The following ST3GAL2 variants were observed in gnomAD, a reference collection of about 807,000 sequenced individuals.
The protein encoded by ST3GAL2 is CMP-N-acetylneuraminate-beta-galactosamide-alpha-2,3-sialyltransferase 2.
A neutral mutation model predicts 37.5 loss-of-function variants in ST3GAL2; 16 were observed. That is an observed-to-expected ratio of 0.43 (90% CI 0.29 to 0.65). ST3GAL2 has a LOEUF of 0.65. ST3GAL2 is among the 30% of genes least tolerant of loss of function. ST3GAL2 has a pLI of 0.17. For missense variants in ST3GAL2, 383 were observed against 487.8 expected (o/e 0.79, Z 2.02); for synonymous variants, 238 against 202.9 (o/e 1.17, Z -1.47).
chr16:70,389,451 A>G lies in ST3GAL2; in HGVS notation c.534-905T>C, dbSNP rs2151659232. Among the ~76,000 whole-genome samples the G allele has an allele frequency of 2.6e-5, 4 of 151,626 alleles. No individual in the cohort carries two copies. In the South Asian group the frequency reaches 8.3e-4, roughly 32 times the overall value. On this transcript the variant is annotated intron_variant, in intron 3 of 6. Coordinates refer to ENST00000342907, the MANE Select transcript of ST3GAL2 (RefSeq NM_006927.4). ...CAGCTTCCTCAGTAGACGGGACTAC[A>G]ACATGTGCCAGCATTCCCAGCTAAG...
chr16:70,424,971 T>G (rs774778727), intron 1 of ST3GAL2, among the ~76,000 whole-genome samples: 1 of 152,176 alleles, frequency 6.6e-6, no homozygotes, highest in Non-Finnish European at 1.5e-5. Flanking sequence ...GGTGCCCTTA[T>G]TGGCCAAGCC....
At chr16:70,401,644 T>TC (rs1318097286) in intron 1 of ST3GAL2, among the ~76,000 whole-genome samples, 8 of 152,124 alleles carry the variant, frequency 5.3e-5, no homozygotes, top group Admixed American at 4.6e-4. Flanking sequence ...ATGGGCTTGC[T>TC]CCCCTTCACA....
chr16:70,393,171 C>T (rs528869259), intron 3 of ST3GAL2, among the ~76,000 whole-genome samples: 37 of 151,954 alleles, frequency 2.4e-4, no homozygotes, highest in African/African-American at 7.0e-4. Context: ...CTGCAACCTC[C>T]GCCTCCTGGG....
At position 70,438,992 on chromosome 16, in the gene ST3GAL2, G is replaced by C. The variant is rs1368820479; in HGVS notation, c.-1047C>G. 2.1e-5 allele frequency: 3 copies of C among 142,786 alleles called. No individual in the cohort carries two copies. Among genetic ancestry groups the C allele is most frequent in the African/African-American group, 8.2e-5 (3 of 36,440 alleles). 8.8% of individuals were successfully genotyped at this position (142,786 alleles called of 1,614,324 possible). ...CCGCGCGGGCCATGCTCGCCGCTCC[G>C]GCCGCCGCCGCCGCCCGCGCAGAAA... is the stretch of plus-strand genomic sequence containing the variant. On this transcript the variant is annotated 5_prime_UTR_variant, in exon 1 of 7. Coordinates refer to ENST00000342907, the MANE Select transcript of ST3GAL2 (RefSeq NM_006927.4).
chr16:70,426,236 C>T (rs1473719175), intron 1 of ST3GAL2, among the ~76,000 whole-genome samples: 2 of 149,104 alleles, frequency 1.3e-5, no homozygotes, highest in African/African-American at 4.9e-5. Context: ...CTCTGTCGCC[C>T]AGGCTGGAGT....
intron 1 of ST3GAL2, among the ~76,000 whole-genome samples, chr16:70,437,610 A>G (rs2047834535): frequency 6.6e-6 from 1 of 151,462 alleles, no homozygotes; most frequent in East Asian, 1.9e-4. Flanking sequence ...CCTGAGTCCC[A>G]CGACTAAACT....
chr16:70,379,347 G>C lies in ST3GAL2; in HGVS notation c.*2342C>G, dbSNP rs566376091. ...TCAGATTTCAGTGTCTTGGAGCGCA[G>C]AGTCCAGGAATGAGGTGCCTCCTGT... On this transcript the variant is annotated 3_prime_UTR_variant, in exon 7 of 7. Transcript: ENST00000342907. The C allele has an allele frequency of 6.6e-6, 1 of 152,308 alleles. No homozygotes were observed. Among genetic ancestry groups the C allele is most frequent in the South Asian group, 2.1e-4 (1 of 4,830 alleles). The allele number at this position is 152,308 out of a possible 1,614,324, so 9.4% of individuals were successfully genotyped here. A position where few individuals can be genotyped will look rare whatever the true frequency, so the allele number is the denominator to read the frequency against.
rs1220848566 is a variant in ST3GAL2, at chr16:70,399,036, G to C, written c.-506C>G. 2.5e-6 allele frequency: 1 copy of C among 403,554 alleles called. No individual in the cohort carries two copies. Among genetic ancestry groups the C allele is most frequent in the Non-Finnish European group, 4.4e-6 (1 of 228,966 alleles). The allele number at this position is 403,554 out of a possible 1,614,324, so 25.0% of individuals were successfully genotyped here. A position where few individuals can be genotyped will look rare whatever the true frequency, so the allele number is the denominator to read the frequency against. On this transcript the variant is annotated 5_prime_UTR_variant, in exon 2 of 7. Coordinates refer to ENST00000342907, the MANE Select transcript of ST3GAL2 (RefSeq NM_006927.4). ...CACAACAGAGAGCACAGGGGCTTCAGGGGACTTGGGTTCCATGCAAGTGTT... is the reference window on the plus strand; with the variant it reads ...CACAACAGAGAGCACAGGGGCTTCACGGGACTTGGGTTCCATGCAAGTGTT...
intron 1 of ST3GAL2, among the ~76,000 whole-genome samples, chr16:70,410,338 C>T (rs2047628962): frequency 7.1e-6 from 1 of 140,824 alleles, no homozygotes; most frequent in African/African-American, 2.7e-5. Context: ...GCAAGCTCTG[C>T]CTCCCAGGTT....
At position 70,376,955 on chromosome 16, in the gene ST3GAL2, C is replaced by A. The variant is rs2047352214; in HGVS notation, c.*4734G>T. ...ACGGGGTTTCACCATCTTGGCCAGG[C>A]TGGTCTTGAACTCCTGACCTCGTGA... On this transcript the variant is annotated 3_prime_UTR_variant, in exon 7 of 7. Coordinates refer to ENST00000342907, the MANE Select transcript of ST3GAL2 (RefSeq NM_006927.4). 1 of 151,660 alleles carries A rather than the reference C, an allele frequency of 6.6e-6. No homozygotes were observed. Among genetic ancestry groups the A allele is most frequent in the Non-Finnish European group, 1.5e-5 (1 of 67,946 alleles). 9.4% of individuals were successfully genotyped at this position (151,660 alleles called of 1,614,324 possible).
intron 1 of ST3GAL2, among the ~76,000 whole-genome samples, chr16:70,403,980 G>A (rs969392036): frequency 5.3e-5 from 8 of 151,906 alleles, no homozygotes; most frequent in Non-Finnish European, 1.2e-4. Context: ...GGGTGACAGA[G>A]TGATACCACA....
chr16:70,419,438 T>C (rs1424106945), intron 1 of ST3GAL2, among the ~76,000 whole-genome samples: 1 of 152,184 alleles, frequency 6.6e-6, no homozygotes, highest in African/African-American at 2.4e-5. Flanking sequence ...GCAGGGGAAG[T>C]GACTGCTTCA....
intron 1 of ST3GAL2, among the ~76,000 whole-genome samples, chr16:70,411,538 T>C (rs1019090638): frequency 3.3e-5 from 5 of 152,140 alleles, no homozygotes; most frequent in African/African-American, 1.2e-4. Context: ...TGCACCCTCG[T>C]ATGGCAGAGT....
intron 4 of ST3GAL2, among the ~76,000 whole-genome samples, chr16:70,386,018 T>C (rs1325281729): frequency 6.6e-6 from 1 of 151,702 alleles, no homozygotes; most frequent in East Asian, 1.9e-4. Context: ...AACATGAAAA[T>C]TTTTTTTGTT....
At chr16:70,438,409 T>A (rs1043291800) in intron 1 of ST3GAL2, among the ~76,000 whole-genome samples, 3 of 152,052 alleles carry the variant, frequency 2.0e-5, no homozygotes, top group Non-Finnish European at 4.4e-5. Flanking sequence ...TGCCTCAGTT[T>A]CCCCAAAGTA....
intron 1 of ST3GAL2, among the ~76,000 whole-genome samples, chr16:70,431,622 CA>C (rs1284264613): frequency 2.7e-5 from 4 of 150,116 alleles, no homozygotes; most frequent in African/African-American, 9.9e-5. Context: ...GCCAGGAGTT[CA>C]AGACCAGCCT....
chr16:70,390,173 C>G (rs1451422856), intron 3 of ST3GAL2, among the ~76,000 whole-genome samples: 2 of 152,206 alleles, frequency 1.3e-5, no homozygotes, highest in East Asian at 3.8e-4. Flanking sequence ...CTCCTGGGTT[C>G]AATCAATCCT....
At position 70,433,886 on chromosome 16, in the gene ST3GAL2, G is replaced by A. The variant is rs563848798; in HGVS notation, c.-1004+5063C>T. Among the ~76,000 whole-genome samples, 4 of 152,276 alleles carry A rather than the reference G, an allele frequency of 2.6e-5. No homozygotes were observed. The East Asian group carries it at 5.8e-4, about 22-fold the overall frequency. ...AGAAAAAAGGGACAACTCCCTAAAT[G>A]TGCCTTGTGATAGCCTTTCTTTGTA... On this transcript the variant is annotated intron_variant, in intron 1 of 6. Coordinates refer to ENST00000342907, the MANE Select transcript of ST3GAL2 (RefSeq NM_006927.4).
rs1234309862 is a variant in ST3GAL2 at position 70,411,661 on chromosome 16, T to C, written c.-1003-12128A>G. 3.3e-5 allele frequency among the ~76,000 whole-genome samples: 5 copies of C among 152,234 alleles called. No homozygotes were observed. The East Asian group carries it at 7.7e-4, about 24-fold the overall frequency. ...ATCCAGTGTTTTCCAGTTTAAGTCA[T>C]TGTGGGTTACTCTGCTACTTGCATC... On this transcript the variant is annotated intron_variant, in intron 1 of 6. Transcript: ENST00000342907.
Sources: gnomAD v4.1 joint callset for allele counts (sites outside exome capture counted in the v4.1 genomes callset) on GRCh38, gnomAD v4.1.1 for gene constraint, MANE v1.5 for transcripts, NCBI Gene and HGNC (gene_info 2026-07-23, HGNC 2026-07-21) for gene names.